Variants in ATOSA observed in about 807,000 individuals in gnomAD.
ATOSA encodes the protein atos homolog protein A.
chr15:52,594,449 C>T, the ATOSA span, among the ~76,000 whole-genome samples: 1 of 152,080 alleles, frequency 6.6e-6, no homozygotes, highest in Non-Finnish European at 1.5e-5. Context: ...ATAAATATAT[C>T]AACACATATA....
At chr15:52,646,184 G>A in the ATOSA span, among the ~76,000 whole-genome samples, 5 of 152,194 alleles carry the variant, frequency 3.3e-5, no homozygotes, top group South Asian at 2.1e-4. Context: ...CACTGAATGC[G>A]TCTATGTGTG....
chr15:52,662,458 C>T, the ATOSA span, among the ~76,000 whole-genome samples: 1 of 152,028 alleles, frequency 6.6e-6, no homozygotes, highest in Non-Finnish European at 1.5e-5. Context: ...ACTACTCTGA[C>T]AAAAAGAGTA....
the ATOSA span, among the ~76,000 whole-genome samples, chr15:52,584,107 A>G: frequency 6.0e-5 from 9 of 151,228 alleles, no homozygotes; most frequent in Admixed American, 1.3e-4. Context: ...AAAAAAAAAA[A>G]AAAGAAAAAT....
the ATOSA span, among the ~76,000 whole-genome samples, chr15:52,688,910 C>A: frequency 6.6e-6 from 1 of 152,210 alleles, no homozygotes; most frequent in African/African-American, 2.4e-5. Context: ...ACTATTTTTA[C>A]AGATGGAGGA....
chr15:52,585,269 T>C, the ATOSA span: 2 of 184,088 alleles, frequency 1.1e-5, no homozygotes, highest in South Asian at 2.4e-4. Context: ...GCAAAATACA[T>C]CCTTATTGGG....
At chr15:52,621,011 T>C in the ATOSA span, among the ~76,000 whole-genome samples, 41 of 152,356 alleles carry the variant, frequency 2.7e-4, no homozygotes, top group African/African-American at 9.1e-4. Flanking sequence ...ATAAAAATTC[T>C]CCTTCTATGA....
chr15:52,670,820 T>C, the ATOSA span, among the ~76,000 whole-genome samples: 2 of 152,240 alleles, frequency 1.3e-5, no homozygotes, highest in South Asian at 4.1e-4. Context: ...CTTACTATGT[T>C]CTTTGACATA....
the ATOSA span, among the ~76,000 whole-genome samples, chr15:52,636,069 AAAATATTAAATTAAAATAATAAAATT>A: frequency 2.0e-5 from 3 of 147,150 alleles, no homozygotes; most frequent in Admixed American, 1.4e-4. Flanking sequence ...AAATTAAATT[AAAATATTAAATTAAAATAATAAAATT>A]AAATATTAAA....
chr15:52,676,551 A>G, the ATOSA span, among the ~76,000 whole-genome samples: 1 of 152,172 alleles, frequency 6.6e-6, no homozygotes, highest in Admixed American at 6.5e-5. Context: ...GGTTTATGTT[A>G]TTATTATGGA....
the ATOSA span, among the ~76,000 whole-genome samples, chr15:52,688,870 G>A: frequency 6.6e-6 from 1 of 152,204 alleles, no homozygotes; most frequent in African/African-American, 2.4e-5. Context: ...TGGCAATCAT[G>A]TCACCCAAAA....
At chr15:52,695,294 C>T in the ATOSA span, among the ~76,000 whole-genome samples, 3 of 152,310 alleles carry the variant, frequency 2.0e-5, no homozygotes, top group South Asian at 2.1e-4. Context: ...AACAAGTCTG[C>T]GCTTTATCTG....
the ATOSA span, among the ~76,000 whole-genome samples, chr15:52,695,810 A>G: frequency 3.9e-5 from 6 of 152,238 alleles, no homozygotes; most frequent in East Asian, 1.2e-3. Flanking sequence ...GAACAAAGAC[A>G]TGAAGGAGTT....
the ATOSA span, among the ~76,000 whole-genome samples, chr15:52,628,224 A>C: frequency 6.6e-6 from 1 of 152,336 alleles, no homozygotes; most frequent in Non-Finnish European, 1.5e-5. Context: ...TCAATATAAA[A>C]TATTCAGTCA....
the ATOSA span, among the ~76,000 whole-genome samples, chr15:52,629,393 G>T: frequency 1.3e-5 from 2 of 151,810 alleles, no homozygotes; most frequent in African/African-American, 4.8e-5. Flanking sequence ...GGTTCACTCA[G>T]GATGTCATAC....
chr15:52,615,543 T>C, the ATOSA span, among the ~76,000 whole-genome samples: 2 of 152,114 alleles, frequency 1.3e-5, no homozygotes, highest in African/African-American at 4.8e-5. Flanking sequence ...CCATGCAGCA[T>C]GGAATGGGAA....
chr15:52,609,724 T>C, the ATOSA span: 2 of 1,613,648 alleles, frequency 1.2e-6, no homozygotes, highest in Admixed American at 3.3e-5. Flanking sequence ...CTCTTGAGTA[T>C]TAAATGGACG....
the ATOSA span, among the ~76,000 whole-genome samples, chr15:52,618,482 C>A: frequency 6.6e-6 from 1 of 152,038 alleles, no homozygotes; most frequent in African/African-American, 2.4e-5. Flanking sequence ...AAAGGACATA[C>A]AAAGTGGGGA....
At chr15:52,625,744 C>T in the ATOSA span, among the ~76,000 whole-genome samples, 1 of 152,132 alleles carries the variant, frequency 6.6e-6, no homozygotes, top group African/African-American at 2.4e-5. Flanking sequence ...TCTTTGAAAA[C>T]TGGCTATTAA....
At chr15:52,615,416 C>G in the ATOSA span, among the ~76,000 whole-genome samples, 2 of 152,140 alleles carry the variant, frequency 1.3e-5, no homozygotes, top group East Asian at 3.8e-4. Context: ...GCCAATCAAG[C>G]AACAAATATT....
Sources: allele counts gnomAD v4.1 joint callset (sites outside exome capture counted in the v4.1 genomes callset), GRCh38; gene constraint gnomAD v4.1.1; transcripts MANE v1.5; gene names NCBI Gene and HGNC (gene_info 2026-07-23, HGNC 2026-07-21).